CADPS2: variants seen among roughly 807,000 people sequenced by gnomAD.
CADPS2 encodes the protein calcium-dependent secretion activator 2.
In CADPS2, 93 loss-of-function variants were observed where a neutral mutation model predicts 172.5. The ratio of observed to expected loss-of-function variants is 0.54; its 90% CI spans 0.46 to 0.64. The LOEUF (loss-of-function observed/expected upper bound fraction) is 0.64, where lower values mean the gene tolerates loss of function less well. Ranked by LOEUF, CADPS2 falls within the 30% of genes least tolerant of loss-of-function variation. The probability of loss-of-function intolerance (pLI) is 0.00; values close to 1 mark genes in which losing one functional copy is unlikely to be tolerated. For missense variants in CADPS2, 1,420 were observed against 1,565.9 expected (o/e 0.91, Z 1.57); for synonymous variants, 546 against 555.2 (o/e 0.98, Z 0.23).
At chr7:122,748,501 G>A (rs865818813) in intron 1 of CADPS2, among the ~76,000 whole-genome samples, 38 of 152,150 alleles carry the variant, frequency 2.5e-4, no homozygotes, top group African/African-American at 8.7e-4. Flanking sequence ...CAGTGTAAAA[G>A]CTTAAAGATG....
intron 2 of CADPS2, among the ~76,000 whole-genome samples, chr7:122,710,049 T>TA (rs34082235): frequency 0.2 from 18,512 of 93,424 alleles, 1,409 homozygotes; most frequent in African/African-American, 0.26. Context: ...TAAAGTATAA[T>TA]AAAAAAAAAA....
At chr7:122,858,097 C>T (rs978235007) in intron 1 of CADPS2, among the ~76,000 whole-genome samples, 2 of 152,092 alleles carry the variant, frequency 1.3e-5, no homozygotes, top group Admixed American at 6.6e-5. Context: ...TATTTGTCCC[C>T]GCCCACATCC....
At chr7:122,837,302 A>C (rs1202013080) in intron 1 of CADPS2, among the ~76,000 whole-genome samples, 3 of 152,230 alleles carry the variant, frequency 2.0e-5, no homozygotes, top group Admixed American at 2.0e-4. Context: ...AATTTATAGC[A>C]CTAAATGCCC....
chr7:122,788,388 A>C (rs1794536719), intron 1 of CADPS2, among the ~76,000 whole-genome samples: 1 of 152,216 alleles, frequency 6.6e-6, no homozygotes, highest in Non-Finnish European at 1.5e-5. Flanking sequence ...AGTTCTGGAC[A>C]TGGCATTTCA....
chr7:122,713,372 C>T (rs932436623), intron 2 of CADPS2, among the ~76,000 whole-genome samples: 3 of 152,020 alleles, frequency 2.0e-5, no homozygotes, highest in South Asian at 2.1e-4. Flanking sequence ...AGTTCCCTTA[C>T]CTGTAAAAGA....
At chr7:122,616,583 C>T (rs2074952206) in intron 5 of CADPS2, among the ~76,000 whole-genome samples, 1 of 152,054 alleles carries the variant, frequency 6.6e-6, no homozygotes, top group Non-Finnish European at 1.5e-5. Context: ...TCTTCCTCAT[C>T]CAGGGCTTTT....
At chr7:122,885,489 T>C (rs1824091483) in intron 1 of CADPS2, among the ~76,000 whole-genome samples, 1 of 152,144 alleles carries the variant, frequency 6.6e-6, no homozygotes, top group Admixed American at 6.5e-5. Context: ...TTAACTTTTT[T>C]ATTCACTGAG....
intron 25 of CADPS2, among the ~76,000 whole-genome samples, chr7:122,378,119 T>G (rs1181404393): frequency 1.3e-5 from 2 of 152,178 alleles, no homozygotes; most frequent in Non-Finnish European, 2.9e-5. Flanking sequence ...CATTTATCAT[T>G]AATAGTCTTT....
At chr7:122,689,762 G>A (rs1469739297) in intron 2 of CADPS2, among the ~76,000 whole-genome samples, 6 of 152,130 alleles carry the variant, frequency 3.9e-5, no homozygotes, top group Non-Finnish European at 8.8e-5. Flanking sequence ...TGTAGTGATC[G>A]TGTTATGTTT....
chr7:122,847,344 C>A (rs955943717), intron 1 of CADPS2, among the ~76,000 whole-genome samples: 1 of 152,206 alleles, frequency 6.6e-6, no homozygotes, highest in Non-Finnish European at 1.5e-5. Flanking sequence ...TCCTCCGCCT[C>A]CCAGAGTGCT....
intron 2 of CADPS2, among the ~76,000 whole-genome samples, chr7:122,674,227 C>A (rs2082173618): frequency 6.6e-6 from 1 of 152,202 alleles, no homozygotes; most frequent in South Asian, 2.1e-4. Flanking sequence ...CACCTCCCTG[C>A]AAGCAGAGGG....
At chr7:122,625,472 A>G (rs1487329111) in intron 4 of CADPS2, among the ~76,000 whole-genome samples, 2 of 152,254 alleles carry the variant, frequency 1.3e-5, no homozygotes, top group African/African-American at 2.4e-5. Context: ...CAGTAAATTC[A>G]GTAAATCGGA....
At chr7:122,818,868 C>G (rs1443091008) in intron 1 of CADPS2, among the ~76,000 whole-genome samples, 1 of 152,182 alleles carries the variant, frequency 6.6e-6, no homozygotes, top group African/African-American at 2.4e-5. Flanking sequence ...CAGCTCATGA[C>G]TTGTTTGGCA....
rs1585180570 is a variant in CADPS2, at chr7:122,350,155, G to A, written c.3505-4474C>T. On this transcript the variant is annotated intron_variant, in intron 27 of 29. Transcript: ENST00000449022. ...ATGATTATCTGCTTGCTTTGTAAAT[G>A]AAATACCTGTGTCTGGCCATTCATT... is the stretch of plus-strand genomic sequence containing the variant. Among the ~76,000 whole-genome samples, 3 of 152,274 alleles carry A rather than the reference G, an allele frequency of 2.0e-5. No homozygotes were observed. In the East Asian group the frequency reaches 5.8e-4, roughly 29 times the overall value.
chr7:122,458,483 A>G (rs2054056193), intron 14 of CADPS2, among the ~76,000 whole-genome samples: 1 of 152,356 alleles, frequency 6.6e-6, no homozygotes, highest in African/African-American at 2.4e-5. Flanking sequence ...TTGTGTCTTT[A>G]TATGATCATT....
At chr7:122,643,916 C>T (rs374839557) in intron 3 of CADPS2, among the ~76,000 whole-genome samples, 1 of 152,050 alleles carries the variant, frequency 6.6e-6, no homozygotes, top group Non-Finnish European at 1.5e-5. Context: ...CATGGCAAAA[C>T]CCCTCTCTAC....
At chr7:122,523,783 A>G (rs903581677) in intron 8 of CADPS2, among the ~76,000 whole-genome samples, 2 of 152,204 alleles carry the variant, frequency 1.3e-5, no homozygotes, top group Admixed American at 1.3e-4. Flanking sequence ...GTTTGCTAAA[A>G]GTTAAAGAAA....
rs746039789 is a variant in CADPS2, at chr7:122,702,302, A to G, written c.453+34653T>C. ...CAGGTTGCTTATCATCACCGCGACT[A>G]TATTTTCCGTCCCCTGGTGAGACAT... On this transcript the variant is annotated intron_variant, in intron 2 of 29. Coordinates refer to ENST00000449022, the MANE Select transcript of CADPS2 (RefSeq NM_017954.11). The G allele has an allele frequency of 1.2e-5, 19 of 1,613,666 alleles. No homozygotes were observed. The highest frequency in any genetic ancestry group is 4.0e-5 in the African/African-American group (3 of 74,882).
chr7:122,737,026 C>T lies in CADPS2; in HGVS notation c.382G>A (p.Ala128Thr), dbSNP rs1290408483. The change falls in exon 2 of 30, where the codon GCC becomes ACC. Residue 128 changes from alanine (A) to threonine (T), a missense_variant. Physicochemically the swap from Ala to Thr is moderately conservative, Grantham distance 58. Coordinates refer to ENST00000449022, the MANE Select transcript of CADPS2 (RefSeq NM_017954.11). ...ATTTGGGTTTCCCCATTGAGGAAGG[C>T]CTGGAACCGTTCTTTCAGTAACTGC... Reference protein sequence around the residue: ...QLQLLKERFQAFLNGETQIVA... With the variant: ...QLQLLKERFQTFLNGETQIVA... 6.2e-7 allele frequency: 1 copy of T among 1,612,208 alleles called. No homozygotes were observed. The highest frequency in any genetic ancestry group is 2.2e-5 in the East Asian group (1 of 44,774).
Sources: allele counts gnomAD v4.1 joint callset (sites outside exome capture counted in the v4.1 genomes callset), GRCh38; gene constraint gnomAD v4.1.1; transcripts MANE v1.5; gene names NCBI Gene and HGNC (gene_info 2026-07-23, HGNC 2026-07-21).